The following SERPINB7 variants were observed in gnomAD, a reference collection of about 807,000 sequenced individuals.
SERPINB7 encodes the protein serpin family B member 7.
SERPINB7 carries 31 observed loss-of-function variants against 37.4 expected under a neutral mutation model. That is an observed-to-expected ratio of 0.83 (90% confidence interval 0.62 to 1.12). The LOEUF is 1.12. Among genes scored for constraint, SERPINB7 ranks in the 50% most tolerant of loss-of-function variants. The probability of loss-of-function intolerance (pLI) is 0.00; values close to 1 mark genes in which losing one functional copy is unlikely to be tolerated. For synonymous variants in SERPINB7, 163 were observed against 166.1 expected (o/e 0.98, Z 0.14); for missense variants, 521 against 455.3 (o/e 1.14, Z -1.31).
At chr18:63,795,258 A>G (rs1465889471) in intron 4 of SERPINB7, among the ~76,000 whole-genome samples, 1 of 152,146 alleles carries the variant, frequency 6.6e-6, no homozygotes, top group Non-Finnish European at 1.5e-5. Context: ...AGATAAACAG[A>G]CTGTTAGGAA....
intron 1 of SERPINB7, among the ~76,000 whole-genome samples, chr18:63,766,723 A>G (rs1218200915): frequency 6.6e-6 from 1 of 152,114 alleles, no homozygotes; most frequent in African/African-American, 2.4e-5. Context: ...AGATATATCT[A>G]TATGCTGATT....
At chr18:63,799,242 A>G (rs1429974031) in intron 6 of SERPINB7, among the ~76,000 whole-genome samples, 1 of 152,162 alleles carries the variant, frequency 6.6e-6, no homozygotes, top group Admixed American at 6.6e-5. Context: ...TCTGTTTTTG[A>G]TCTAAAACAT....
rs2049111984 is a variant in SERPINB7 at position 63,754,886 on chromosome 18, T to C, written c.-19+1766T>C. Among the ~76,000 whole-genome samples the C allele has an allele frequency of 5.9e-5, 6 of 100,852 alleles. No individual in the cohort carries two copies. The South Asian group carries it at 2.5e-3, about 42-fold the overall frequency. 66.2% of individuals were successfully genotyped at this position (100,852 alleles called of 152,430 possible). A position where few individuals can be genotyped will look rare whatever the true frequency, so the allele number is the denominator to read the frequency against. On this transcript the variant is annotated intron_variant, in intron 1 of 7. Coordinates refer to the SERPINB7 transcript ENST00000336429. ...GCATTGTTTAAACTGAGGTCTTTTT[T>C]TTTTTTTTTTTTTTTTTTTTTTTTG...
intron 1 of SERPINB7, among the ~76,000 whole-genome samples, chr18:63,766,792 A>G (rs1392131248): frequency 6.6e-6 from 1 of 152,174 alleles, no homozygotes. Flanking sequence ...TATCTGTCTG[A>G]CATTACCATC....
chr18:63,799,093 G>A (rs1007328156), intron 6 of SERPINB7, among the ~76,000 whole-genome samples: 10 of 152,124 alleles, frequency 6.6e-5, no homozygotes, highest in African/African-American at 2.4e-4. Context: ...TAACCATGAG[G>A]TCTATACTTA....
At chr18:63,774,586 C>T (rs111534208), upstream of SERPINB7, among the ~76,000 whole-genome samples, 3 of 152,168 alleles carry the variant, frequency 2.0e-5, no homozygotes, top group African/African-American at 7.2e-5. Context: ...CTACCTTTCC[C>T]TACACCTGGT....
At chr18:63,786,129 G>A (rs141381379) in intron 2 of SERPINB7, among the ~76,000 whole-genome samples, 3,099 of 109,700 alleles carry the variant, frequency 0.028, 297 homozygotes, top group African/African-American at 0.056. Flanking sequence ...ATATATATAC[G>A]TATATACATA....
chr18:63,781,684 C>T (rs1275808107), intron 1 of SERPINB7, among the ~76,000 whole-genome samples: 1 of 152,116 alleles, frequency 6.6e-6, no homozygotes, highest in Non-Finnish European at 1.5e-5. Context: ...TGTTACTGCA[C>T]CCTGGGTTCT....
chr18:63,776,040 G>A (rs1450352927), intron 1 of SERPINB7, among the ~76,000 whole-genome samples: 1 of 152,012 alleles, frequency 6.6e-6, no homozygotes, highest in East Asian at 1.9e-4. Flanking sequence ...TGATGCCTGT[G>A]TATCCTTGGC....
At chr18:63,772,356 G>C (rs1468009349), upstream of SERPINB7, among the ~76,000 whole-genome samples, 1 of 151,964 alleles carries the variant, frequency 6.6e-6, no homozygotes, top group Non-Finnish European at 1.5e-5. Context: ...AAGAATATAG[G>C]TAGAGGTTTT....
chr18:63,793,392 C>G (rs1397154131), intron 4 of SERPINB7, 115 bp downstream of exon 4: 4 of 535,266 alleles, frequency 7.5e-6, no homozygotes, highest in Non-Finnish European at 1.3e-5. Context: ...CTCATTGCTA[C>G]TTATTATGTT....
intron 4 of SERPINB7, among the ~76,000 whole-genome samples, chr18:63,793,748 T>C (rs2658456): frequency 6.6e-6 from 1 of 151,910 alleles, no homozygotes; most frequent in Admixed American, 6.6e-5. Context: ...TGATCTTCTT[T>C]CTTCAGCCTC....
chr18:63,759,474 C>T (rs1254338817), intron 1 of SERPINB7, among the ~76,000 whole-genome samples: 1 of 151,916 alleles, frequency 6.6e-6, no homozygotes, highest in East Asian at 1.9e-4. Context: ...TTTAAGAATC[C>T]TTCTTTTCTT....
At chr18:63,786,418 T>C (rs935157483) in intron 2 of SERPINB7, among the ~76,000 whole-genome samples, 1 of 151,778 alleles carries the variant, frequency 6.6e-6, no homozygotes, top group African/African-American at 2.4e-5. Context: ...TATATTTTTC[T>C]AAAGTTATGT....
At chr18:63,776,315 C>T (rs1568204381) in intron 1 of SERPINB7, among the ~76,000 whole-genome samples, 1 of 152,028 alleles carries the variant, frequency 6.6e-6, no homozygotes, top group Non-Finnish European at 1.5e-5. Context: ...AAAACCTCCC[C>T]ACCCACTAGG....
intron 7 of SERPINB7, among the ~76,000 whole-genome samples, chr18:63,801,960 A>G (rs1159574188): frequency 2.6e-5 from 4 of 152,166 alleles, no homozygotes; most frequent in East Asian, 3.8e-4. Context: ...GTGGTCTTTC[A>G]TTAGTTTTAC....
rs1217175983 is a variant in SERPINB7, at chr18:63,804,666, C to G, written c.*31C>G. On this transcript the variant is annotated 3_prime_UTR_variant, in exon 8 of 8. Coordinates refer to ENST00000398019, the MANE Select transcript of SERPINB7 (RefSeq NM_003784.4). Reference sequence around the variant, plus strand: ...CAATTGGTTTCTGTTATAGCAGTCCCCACAACATCAAAGAACCACCACAAG... The same window carrying G: ...CAATTGGTTTCTGTTATAGCAGTCCGCACAACATCAAAGAACCACCACAAG... 6.5e-7 allele frequency: 1 copy of G among 1,547,160 alleles called. No homozygotes were observed. Among genetic ancestry groups the G allele is most frequent in the Admixed American group, 2.0e-5 (1 of 50,206 alleles).
At chr18:63,803,847 T>A (rs147447546) in intron 7 of SERPINB7, among the ~76,000 whole-genome samples, 64 of 152,292 alleles carry the variant, frequency 4.2e-4, no homozygotes, top group African/African-American at 1.4e-3. Flanking sequence ...CTGTCTTTCA[T>A]GATGAGGAGA....
At chr18:63,771,049 G>T (rs2049208290), upstream of SERPINB7, among the ~76,000 whole-genome samples, 2 of 151,828 alleles carry the variant, frequency 1.3e-5, no homozygotes, top group Admixed American at 1.3e-4. Flanking sequence ...GGGGTGGGGT[G>T]GGGTGGGTAG....
Sources: gnomAD v4.1 joint callset for allele counts (sites outside exome capture counted in the v4.1 genomes callset) on GRCh38, gnomAD v4.1.1 for gene constraint, MANE v1.5 for transcripts, NCBI Gene and HGNC (gene_info 2026-07-23, HGNC 2026-07-21) for gene names.